Variants in SLC5A12 observed in about 807,000 individuals in gnomAD.
The protein encoded by SLC5A12 is solute carrier family 5 member 12, also known as sodium-coupled monocarboxylate transporter 2.
A neutral mutation model predicts 72.7 loss-of-function variants in SLC5A12; 46 were observed. The observed-to-expected ratio is 0.63, with a 90% CI of 0.50 to 0.81. SLC5A12 has a LOEUF of 0.81. SLC5A12 is among the 30% of genes least tolerant of loss of function. The probability of loss-of-function intolerance (pLI) is 0.00; values close to 1 mark genes in which losing one functional copy is unlikely to be tolerated. For missense variants in SLC5A12, 683 were observed against 740.7 expected (o/e 0.92, Z 0.90); for synonymous variants, 275 against 264.4 (o/e 1.04, Z -0.39).
chr11:26,675,363 A>C (rs1419008964), intron 13 of SLC5A12, among the ~76,000 whole-genome samples: 1 of 152,224 alleles, frequency 6.6e-6, no homozygotes, highest in Non-Finnish European at 1.5e-5. Flanking sequence ...CAGGTAGGAA[A>C]GTTAAAAATG....
At chr11:26,708,161 T>C (rs1350107587) in intron 4 of SLC5A12, among the ~76,000 whole-genome samples, 1 of 152,088 alleles carries the variant, frequency 6.6e-6, no homozygotes, top group Non-Finnish European at 1.5e-5. Flanking sequence ...TACTTTGTTT[T>C]TGGGGGAGAA....
At chr11:26,688,799 G>A (rs549761274) in intron 9 of SLC5A12, among the ~76,000 whole-genome samples, 2 of 152,102 alleles carry the variant, frequency 1.3e-5, no homozygotes, top group Non-Finnish European at 2.9e-5. Context: ...AGGAAAAACT[G>A]CAAGGAAATT....
intron 1 of SLC5A12, among the ~76,000 whole-genome samples, chr11:26,713,362 G>A (rs1483387182): frequency 1.3e-5 from 2 of 151,942 alleles, no homozygotes; most frequent in African/African-American, 2.4e-5. Flanking sequence ...AACACATTTT[G>A]TGCTTTTTCA....
intron 13 of SLC5A12, among the ~76,000 whole-genome samples, chr11:26,674,246 C>T (rs1854213085): frequency 6.6e-6 from 1 of 151,858 alleles, no homozygotes; most frequent in Non-Finnish European, 1.5e-5. Context: ...AGTTATTAGT[C>T]CCATAGTCAG....
chr11:26,693,029 C>G (rs1362384130), intron 8 of SLC5A12, among the ~76,000 whole-genome samples: 2 of 152,140 alleles, frequency 1.3e-5, no homozygotes, highest in Non-Finnish European at 2.9e-5. Flanking sequence ...TTTCTACATC[C>G]TTTTATTCAT....
At chr11:26,696,183 G>A (rs937531260) in intron 8 of SLC5A12, among the ~76,000 whole-genome samples, 3 of 152,042 alleles carry the variant, frequency 2.0e-5, no homozygotes, top group African/African-American at 7.2e-5. Flanking sequence ...CATCTTCCAT[G>A]TCTATTAGAA....
Position 26,703,692 on chromosome 11 carries a change from A to G in SLC5A12, c.681-21T>C, listed in dbSNP as rs776521786. The G allele has an allele frequency of 3.1e-6, 5 of 1,613,724 alleles. No homozygotes were observed. In the South Asian group the frequency reaches 3.3e-5, roughly 11 times the overall value. Reference sequence around the variant, plus strand: ...CAAAGCTATGAGACAGAGAGAAATGAGTGAACAAAGATATTCCTTTGATGC... The same window carrying G: ...CAAAGCTATGAGACAGAGAGAAATGGGTGAACAAAGATATTCCTTTGATGC... On this transcript the variant is annotated intron_variant, in intron 5 of 14. Transcript: ENST00000396005.
chr11:26,687,290 A>G (rs968671489), intron 9 of SLC5A12, among the ~76,000 whole-genome samples: 4 of 152,214 alleles, frequency 2.6e-5, no homozygotes, highest in African/African-American at 9.6e-5. Context: ...CTGAATTCCA[A>G]TAATAACACA....
chr11:26,691,416 C>T (rs994376968), intron 9 of SLC5A12, among the ~76,000 whole-genome samples: 5 of 150,780 alleles, frequency 3.3e-5, no homozygotes, highest in East Asian at 3.9e-4. Flanking sequence ...TTTAGAAGTT[C>T]GTGTTAAGGA....
rs1854074408 is a variant in SLC5A12, at chr11:26,669,187, T to TTTTCTTGTTCTTTCTTTCTTTCTTTC, written c.*1914_*1915insGAAAGAAAGAAAGAAAGAACAAGAAA. 1 of 110,942 alleles carries TTTTCTTGTTCTTTCTTTCTTTCTTTC rather than the reference T, an allele frequency of 9.0e-6. No individual in the cohort carries two copies. Among genetic ancestry groups the TTTTCTTGTTCTTTCTTTCTTTCTTTC allele is most frequent in the Non-Finnish European group, 2.0e-5 (1 of 50,896 alleles). 6.9% of individuals were successfully genotyped at this position (110,942 alleles called of 1,614,324 possible). On this transcript the variant is annotated 3_prime_UTR_variant, in exon 15 of 15. Transcript: ENST00000396005. ...TGTCTTTTTCTTTCTTTCTTTCTTCTTTTCTTTCTTTCTTTCTTTCTTTCT... is the reference window on the plus strand; with the variant it reads ...TGTCTTTTTCTTTCTTTCTTTCTTCTTTTCTTGTTCTTTCTTTCTTTCTTTCTTTCTTTCTTTCTTTCTTTCTTTCT...
At chr11:26,676,414 G>T (rs898292930) in intron 13 of SLC5A12, among the ~76,000 whole-genome samples, 2 of 150,224 alleles carry the variant, frequency 1.3e-5, no homozygotes, top group South Asian at 4.2e-4. Flanking sequence ...ACCTTAGTAC[G>T]GAAACATAAT....
intron 4 of SLC5A12, 105 bp downstream of exon 4, chr11:26,709,207 T>A: frequency 2.6e-6 from 2 of 763,532 alleles, no homozygotes; most frequent in East Asian, 5.4e-5. Context: ...CTGCTTAATT[T>A]TGGAATAACG....
intron 8 of SLC5A12, among the ~76,000 whole-genome samples, chr11:26,693,849 A>C (rs931326391): frequency 6.6e-6 from 1 of 152,164 alleles, no homozygotes; most frequent in African/African-American, 2.4e-5. Context: ...CTTGGGGGGT[A>C]CTATTCTTAT....
intron 1 of SLC5A12, among the ~76,000 whole-genome samples, chr11:26,720,567 TA>T (rs1021445351): frequency 3.7e-4 from 56 of 150,662 alleles, no homozygotes; most frequent in African/African-American, 1.1e-3. Flanking sequence ...CTTACATATT[TA>T]AAAAAAAATA....
chr11:26,693,372 G>A (rs1273933647), intron 8 of SLC5A12, among the ~76,000 whole-genome samples: 1 of 152,150 alleles, frequency 6.6e-6, no homozygotes, highest in African/African-American at 2.4e-5. Flanking sequence ...TATTATAACA[G>A]TAAAAGAGAA....
At position 26,670,199 on chromosome 11, in the gene SLC5A12, A is replaced by G. The variant is rs1185199387; in HGVS notation, c.*903T>C. The G allele has an allele frequency of 6.6e-6, 1 of 152,138 alleles. No individual in the cohort carries two copies. The highest frequency in any genetic ancestry group is 1.5e-5 in the Non-Finnish European group (1 of 68,028). The allele number at this position is 152,138 out of a possible 1,614,324, so 9.4% of individuals were successfully genotyped here. A position where few individuals can be genotyped will look rare whatever the true frequency, so the allele number is the denominator to read the frequency against. ...TATGGACAATGTATTTTCTCCAAAG[A>G]AGAATCCTATTGCTGATGAAATCTC... On this transcript the variant is annotated 3_prime_UTR_variant, in exon 15 of 15. Coordinates refer to ENST00000396005, the MANE Select transcript of SLC5A12 (RefSeq NM_178498.4).
chr11:26,709,986 AG>A (rs1455394012), intron 3 of SLC5A12, among the ~76,000 whole-genome samples: 3 of 152,054 alleles, frequency 2.0e-5, no homozygotes, highest in Non-Finnish European at 4.4e-5. Context: ...CATCCACATT[AG>A]GTATTTCTCC....
intron 13 of SLC5A12, among the ~76,000 whole-genome samples, chr11:26,675,798 A>G (rs1854251530): frequency 6.6e-6 from 1 of 152,164 alleles, no homozygotes; most frequent in Non-Finnish European, 1.5e-5. Flanking sequence ...CTCTCAGCAG[A>G]AGTCCTGAGT....
At chr11:26,671,493 T>A (rs1457283928) in intron 14 of SLC5A12, among the ~76,000 whole-genome samples, 1 of 152,168 alleles carries the variant, frequency 6.6e-6, no homozygotes. Context: ...TGTCTCGTGT[T>A]GCATGAAGAA....
Sources: allele counts gnomAD v4.1 joint callset (sites outside exome capture counted in the v4.1 genomes callset), GRCh38; gene constraint gnomAD v4.1.1; transcripts MANE v1.5; gene names NCBI Gene and HGNC (gene_info 2026-07-23, HGNC 2026-07-21).